Variants in PSIP1 observed in about 807,000 individuals in gnomAD.
PSIP1 encodes PC4 and SRSF1 interacting protein 1, also known as PC4 and SFRS1-interacting protein.
A neutral mutation model predicts 74.7 loss-of-function variants in PSIP1; 19 were observed. That is an observed-to-expected ratio of 0.25 (90% CI 0.18 to 0.37). The LOEUF (loss-of-function observed/expected upper bound fraction) is 0.37, where lower values mean the gene tolerates loss of function less well. Among genes scored for constraint, PSIP1 ranks in the 10% least tolerant of loss-of-function variants. The pLI is 1.00. For missense variants in PSIP1, 601 were observed against 614.3 expected, an observed-to-expected ratio of 0.98 and a Z score of 0.23; for synonymous variants, 222 against 195.3, an observed-to-expected ratio of 1.14 and a Z score of -1.14.
At position 15,486,899 on chromosome 9, in the gene PSIP1, A is replaced by T; in HGVS notation, c.321T>A (p.Asp107Glu). 2 of 1,611,972 alleles carry T rather than the reference A, an allele frequency of 1.2e-6. No homozygotes were observed. The highest frequency in any genetic ancestry group is 8.5e-7 in the Non-Finnish European group (1 of 1,178,986). Residue 107 changes from aspartate to glutamate, a missense_variant, in exon 5 of 16, where the codon GAT (aspartate) becomes GAA (glutamate). By Grantham distance (45) the Asp-to-Glu change is conservative (BLOSUM62 2). Around this residue, in one of 2 missense-constraint regions of PSIP1, gnomAD observed 538 missense variants for 507.6 expected, o/e 1.06. Transcript: ENST00000380733. ...AATKQSNASS[D>E]VEVEEKETSV... The stretch of plus-strand genomic sequence containing the variant: ...TAGTTTCCTTTTCTTCAACTTCAAC[A>T]TCAGATGATGCATTTGATTGTTTAG...
chr9:15,478,322 T>C (rs1006166612), intron 8 of PSIP1, among the ~76,000 whole-genome samples, 155 bp downstream of exon 8: 7 of 152,070 alleles, frequency 4.6e-5, no homozygotes, highest in African/African-American at 7.2e-5. Context: ...ATTTTTACTT[T>C]ACAAAATTTT....
chr9:15,499,066 T>G (rs766675852), intron 3 of PSIP1, among the ~76,000 whole-genome samples: 1 of 152,196 alleles, frequency 6.6e-6, no homozygotes, highest in Non-Finnish European at 1.5e-5. Context: ...AACTGAGGGA[T>G]CACCAAAAAC....
At chr9:15,507,007 T>C (rs1474650766) in intron 2 of PSIP1, among the ~76,000 whole-genome samples, 1 of 152,248 alleles carries the variant, frequency 6.6e-6, no homozygotes, top group South Asian at 2.1e-4. Context: ...GAATTGTTAA[T>C]CATATCATTT....
intron 10 of PSIP1, chr9:15,471,233 T>G: frequency 6.2e-7 from 1 of 1,604,074 alleles, no homozygotes; most frequent in South Asian, 1.1e-5. Context: ...GTTGTTTGGC[T>G]GGGAATACAA....
intron 4 of PSIP1, among the ~76,000 whole-genome samples, chr9:15,488,003 G>C (rs189547544): frequency 2.9e-4 from 44 of 152,264 alleles, no homozygotes; most frequent in African/African-American, 1.0e-3. Context: ...GTAAAGCATG[G>C]CACATGTGAA....
chr9:15,468,275 T>G lies in PSIP1; in HGVS notation c.1420+355A>C. ...TAATTTAAAAGGCTACTGTACGCTATTTTACTTTTTAGGTGAGAAGAAAAC... is the reference window on the plus strand; with the variant it reads ...TAATTTAAAAGGCTACTGTACGCTAGTTTACTTTTTAGGTGAGAAGAAAAC... On this transcript the variant is annotated intron_variant, in intron 14 of 15. Transcript: ENST00000380733. The G allele has an allele frequency of 7.5e-6, 4 of 529,862 alleles. 1 individual carries two copies. The highest frequency in any genetic ancestry group is 1.5e-5 in the Non-Finnish European group (4 of 269,188). 32.8% of individuals were successfully genotyped at this position (529,862 alleles called of 1,614,324 possible). A position where few individuals can be genotyped will look rare whatever the true frequency, so the allele number is the denominator to read the frequency against.
At chr9:15,505,129 C>G (rs2037528752) in intron 3 of PSIP1, 1 of 152,004 alleles carries the variant, frequency 6.6e-6, no homozygotes, top group African/African-American at 2.4e-5. Flanking sequence ...TGTAGAGACA[C>G]AGTTTCACCA....
chr9:15,503,387 AT>A (rs953751005), intron 3 of PSIP1, among the ~76,000 whole-genome samples: 9 of 151,366 alleles, frequency 5.9e-5, no homozygotes, highest in African/African-American at 1.7e-4. Flanking sequence ...AAATAAAAAA[AT>A]AAAGTAGCCT....
intron 3 of PSIP1, among the ~76,000 whole-genome samples, chr9:15,499,408 C>A (rs1230030259): frequency 6.6e-6 from 1 of 152,228 alleles, no homozygotes; most frequent in Non-Finnish European, 1.5e-5. Context: ...GTGTTTCTTA[C>A]ATGGCACACA....
chr9:15,489,928 T>G lies in PSIP1; in HGVS notation c.288+58A>C, dbSNP rs556430533. On this transcript the variant is annotated intron_variant, in intron 4 of 15. Coordinates refer to ENST00000380733, the MANE Select transcript of PSIP1 (RefSeq NM_033222.5). Reference sequence around the variant, plus strand: ...AGTATTTACTTTCCTACAGCTAGGATAGTGATTATTCCCCAGGATTAAATA... The same window carrying G: ...AGTATTTACTTTCCTACAGCTAGGAGAGTGATTATTCCCCAGGATTAAATA... The G allele has an allele frequency of 3.4e-5, 45 of 1,332,676 alleles. No homozygotes were observed. The East Asian group carries it at 1.1e-3, about 31-fold the overall frequency. 82.6% of individuals were successfully genotyped at this position (1,332,676 alleles called of 1,614,324 possible).
At position 15,465,092 on chromosome 9, in the gene PSIP1, A is replaced by C. The variant is rs2035524667; in HGVS notation, c.*428T>G. 1 of 229,338 alleles carries C rather than the reference A, an allele frequency of 4.4e-6. No homozygotes were observed. Among genetic ancestry groups the C allele is most frequent in the East Asian group, 6.4e-5 (1 of 15,586 alleles). The allele number at this position is 229,338 out of a possible 1,614,324, so 14.2% of individuals were successfully genotyped here. The stretch of plus-strand genomic sequence containing the variant: ...AATGTGTAACTTCTACAAAACCCAC[A>C]AACAGTGAAAAGACAGTCTGGTAAA... On this transcript the variant is annotated 3_prime_UTR_variant, in exon 16 of 16. Coordinates refer to ENST00000380733, the MANE Select transcript of PSIP1 (RefSeq NM_033222.5).
At chr9:15,493,895 C>G (rs1201017104) in intron 3 of PSIP1, among the ~76,000 whole-genome samples, 1 of 152,140 alleles carries the variant, frequency 6.6e-6, no homozygotes, top group African/African-American at 2.4e-5. Flanking sequence ...CAGAGCCAAA[C>G]CATATCAGTA....
intron 6 of PSIP1, among the ~76,000 whole-genome samples, chr9:15,484,856 T>C (rs905237953): frequency 7.0e-6 from 1 of 143,208 alleles, no homozygotes; most frequent in African/African-American, 2.6e-5. Context: ...GAGGTTGCAG[T>C]GAGCCAAGAT....
At chr9:15,466,578 A>G (rs899024983) in intron 15 of PSIP1, among the ~76,000 whole-genome samples, 170 bp downstream of exon 15, 1 of 152,236 alleles carries the variant, frequency 6.6e-6, no homozygotes, top group Non-Finnish European at 1.5e-5. Context: ...CACTGTCAAT[A>G]AAAGGTTTTT....
intron 3 of PSIP1, among the ~76,000 whole-genome samples, chr9:15,503,660 CA>C (rs1180947898): frequency 6.2e-4 from 75 of 120,956 alleles, no homozygotes; most frequent in East Asian, 7.1e-4. Flanking sequence ...ACTCTGTCTC[CA>C]AAAAAAAAAA....
chr9:15,464,625 G>A lies in PSIP1; in HGVS notation c.*895C>T, dbSNP rs2035486385. 1 of 197,882 alleles carries A rather than the reference G, an allele frequency of 5.1e-6. No individual in the cohort carries two copies. Among genetic ancestry groups the A allele is most frequent in the East Asian group, 8.0e-5 (1 of 12,528 alleles). The allele number at this position is 197,882 out of a possible 1,614,324, so 12.3% of individuals were successfully genotyped here. ...ACATTTATTCATATTTATTGTATAA[G>A]CATCATGATTTTTTCTTCCAATTAA... On this transcript the variant is annotated 3_prime_UTR_variant, in exon 16 of 16. Transcript: ENST00000380733.
At chr9:15,476,843 A>C (rs2036107767) in intron 8 of PSIP1, among the ~76,000 whole-genome samples, 1 of 152,228 alleles carries the variant, frequency 6.6e-6, no homozygotes, top group South Asian at 2.1e-4. Context: ...GTTCCTAAAA[A>C]GGTACACTGG....
chr9:15,476,527 G>A (rs1471765133), intron 8 of PSIP1, among the ~76,000 whole-genome samples: 1 of 152,160 alleles, frequency 6.6e-6, no homozygotes, highest in Non-Finnish European at 1.5e-5. Flanking sequence ...GAGGATGTAG[G>A]ACTTTCAAAT....
At chr9:15,483,483 C>T (rs1297043661) in intron 6 of PSIP1, among the ~76,000 whole-genome samples, 1 of 152,094 alleles carries the variant, frequency 6.6e-6, no homozygotes. Context: ...CATGCCAACT[C>T]CTTAGAAAGG....
Sources: allele counts gnomAD v4.1 joint callset (sites outside exome capture counted in the v4.1 genomes callset), GRCh38; gene constraint gnomAD v4.1.1; regional missense constraint gnomAD v4.1.1; transcripts MANE v1.5; gene names NCBI Gene and HGNC (gene_info 2026-07-23, HGNC 2026-07-21).